Variants in PDGFRL observed in about 807,000 individuals in gnomAD.
PDGFRL encodes platelet-derived growth factor receptor-like protein.
A neutral mutation model predicts 37.2 loss-of-function variants in PDGFRL; 46 were observed. The ratio of observed to expected loss-of-function variants is 1.24; its 90% CI spans 0.98 to 1.58. PDGFRL has a LOEUF of 1.58. Among genes scored for constraint, PDGFRL ranks in the 40% most tolerant of loss-of-function variants. The pLI is 0.00. For missense variants in PDGFRL, 692 were observed against 467.6 expected (o/e 1.48, Z -4.43); for synonymous variants, 251 against 184.3 (o/e 1.36, Z -2.93).
chr8:17,597,418 T>C (rs895065766), intron 2 of PDGFRL, among the ~76,000 whole-genome samples: 2 of 152,206 alleles, frequency 1.3e-5, no homozygotes, highest in Non-Finnish European at 1.5e-5. Flanking sequence ...TCCTACTAAA[T>C]TGTGAAATGT....
chr8:17,631,773 C>T (rs979511463), intron 4 of PDGFRL, among the ~76,000 whole-genome samples: 1 of 152,184 alleles, frequency 6.6e-6, no homozygotes, highest in Non-Finnish European at 1.5e-5. Flanking sequence ...GCCCTGGCTC[C>T]ATTTTTCCCA....
intron 5 of PDGFRL, among the ~76,000 whole-genome samples, chr8:17,634,870 G>A (rs992939291): frequency 6.6e-6 from 1 of 152,094 alleles, no homozygotes; most frequent in African/African-American, 2.4e-5. Context: ...ATGGGTACTA[G>A]GCTGAATATT....
Position 17,642,777 on chromosome 8 carries a change from A to G in PDGFRL, c.1104A>G (p.Val368=), listed in dbSNP as rs752096880. 2 of 1,607,158 alleles carry G rather than the reference A, an allele frequency of 1.2e-6. No homozygotes were observed. Among genetic ancestry groups the G allele is most frequent in the Non-Finnish European group, 1.7e-6 (2 of 1,174,262 alleles). ...TAQNLQGQTT[V]ATTVEFS The stretch of plus-strand genomic sequence containing the variant: ...AGAATCTTCAAGGACAGACCACAGT[A>G]GCTACCACTGTTGAGTTTTCCTGAC... The change falls in exon 6 of 6, where the codon GTA becomes GTG. Residue 368 remains valine, a synonymous_variant. Transcript: ENST00000251630.
At chr8:17,607,771 A>G (rs1191263583) in intron 2 of PDGFRL, among the ~76,000 whole-genome samples, 3 of 152,256 alleles carry the variant, frequency 2.0e-5, no homozygotes. Flanking sequence ...ATTTGAATAT[A>G]GAAGATGTAA....
intron 2 of PDGFRL, among the ~76,000 whole-genome samples, chr8:17,610,022 A>T (rs1804374678): frequency 3.9e-5 from 6 of 152,146 alleles, no homozygotes; most frequent in Admixed American, 3.9e-4. Flanking sequence ...GCTGGGTGCA[A>T]ATGGGTCCAG....
In PDGFRL at chr8:17,634,697, C is replaced by G. The variant is rs547409926; in HGVS notation, c.939+484C>G. Among the ~76,000 whole-genome samples the G allele has an allele frequency of 3.3e-5, 5 of 152,216 alleles. No individual in the cohort carries two copies. The South Asian group carries it at 8.3e-4, about 25-fold the overall frequency. ...CACAAATGGAGCTGGAGGCCATTAT[C>G]CTTAGCAAACTAACACAGAAACAGA... On this transcript the variant is annotated intron_variant, in intron 5 of 5. Transcript: ENST00000251630.
chr8:17,604,574 G>A (rs949985521), intron 2 of PDGFRL, among the ~76,000 whole-genome samples: 1 of 151,976 alleles, frequency 6.6e-6, no homozygotes, highest in Non-Finnish European at 1.5e-5. Context: ...TTCACATACC[G>A]GGGACTGTTG....
At chr8:17,591,902 G>A (rs755886940) in intron 2 of PDGFRL, among the ~76,000 whole-genome samples, 2 of 152,090 alleles carry the variant, frequency 1.3e-5, no homozygotes, top group Middle Eastern at 3.2e-3. Flanking sequence ...GCAACATCGC[G>A]ATACTGTGTC....
chr8:17,604,600 G>A (rs1804233762), intron 2 of PDGFRL, among the ~76,000 whole-genome samples: 1 of 152,096 alleles, frequency 6.6e-6, no homozygotes, highest in South Asian at 2.1e-4. Context: ...TGGGGGGATG[G>A]GAGAGGGATA....
intron 5 of PDGFRL, 116 bp from the exon 6 acceptor site, chr8:17,642,497 T>G: frequency 1.5e-6 from 1 of 688,030 alleles, no homozygotes; most frequent in Admixed American, 2.7e-5. Flanking sequence ...CTAAACAGTC[T>G]TTTATAAGCA....
At chr8:17,581,068 G>C (rs983023070) in intron 1 of PDGFRL, among the ~76,000 whole-genome samples, 1 of 152,076 alleles carries the variant, frequency 6.6e-6, no homozygotes, top group African/African-American at 2.4e-5. Flanking sequence ...ATTCCTCAAT[G>C]AGGTTACATT....
intron 3 of PDGFRL, among the ~76,000 whole-genome samples, chr8:17,625,217 T>C (rs1054849532): frequency 2.8e-5 from 4 of 144,808 alleles, no homozygotes; most frequent in African/African-American, 1.0e-4. Flanking sequence ...AGTGGCACCA[T>C]CTCAGCTCAC....
chr8:17,606,884 T>C (rs1804289547), intron 2 of PDGFRL, among the ~76,000 whole-genome samples: 1 of 44,982 alleles, frequency 2.2e-5, no homozygotes, highest in East Asian at 5.6e-3. Context: ...TTTTCGTTTT[T>C]TGTTTTTTTG....
At chr8:17,631,088 C>T (rs775238636) in intron 4 of PDGFRL, among the ~76,000 whole-genome samples, 19 of 152,186 alleles carry the variant, frequency 1.2e-4, no homozygotes, top group South Asian at 2.1e-4. Context: ...TCTTTTGCCC[C>T]GGGCTGATGG....
intron 2 of PDGFRL, among the ~76,000 whole-genome samples, chr8:17,613,595 A>G (rs1350172078): frequency 6.6e-6 from 1 of 152,054 alleles, no homozygotes; most frequent in African/African-American, 2.4e-5. Context: ...AATCCAGAGA[A>G]GCCCAGGCGC....
chr8:17,587,050 T>A (rs1489153535), intron 1 of PDGFRL, among the ~76,000 whole-genome samples: 2 of 152,200 alleles, frequency 1.3e-5, no homozygotes, highest in Non-Finnish European at 2.9e-5. Context: ...CATATTCTTT[T>A]AAACAGTTAG....
intron 3 of PDGFRL, 84 bp from the exon 4 acceptor site, chr8:17,628,403 C>T: frequency 9.9e-7 from 1 of 1,010,956 alleles, no homozygotes; most frequent in Non-Finnish European, 1.5e-6. Context: ...ACTCAGTATT[C>T]AGAGTATGCT....
chr8:17,576,538 A>C (rs1039948636), upstream of PDGFRL: 3 of 159,930 alleles, frequency 1.9e-5, no homozygotes, highest in African/African-American at 7.2e-5. Flanking sequence ...AACTGGCTGC[A>C]CCTGCTGTTC....
intron 3 of PDGFRL, among the ~76,000 whole-genome samples, chr8:17,621,500 A>G (rs1319865219): frequency 2.0e-5 from 3 of 152,236 alleles, no homozygotes; most frequent in African/African-American, 7.2e-5. Flanking sequence ...CAGGATTTCA[A>G]CACAAACCAT....
Sources: gnomAD v4.1 joint callset for allele counts (sites outside exome capture counted in the v4.1 genomes callset) on GRCh38, gnomAD v4.1.1 for gene constraint, MANE v1.5 for transcripts, NCBI Gene and HGNC (gene_info 2026-07-23, HGNC 2026-07-21) for gene names.